CLDN14: variants seen among roughly 807,000 people sequenced by gnomAD.
CLDN14 encodes the protein claudin-14.
CLDN14 carries 2 observed loss-of-function variants against 2.1 expected under a neutral mutation model. The ratio of observed to expected loss-of-function variants is 0.96; its 90% CI spans 0.39 to 3.01. The LOEUF (loss-of-function observed/expected upper bound fraction) is 3.01. CLDN14 is among the 30% of genes most tolerant of loss of function. CLDN14 has a pLI of 0.09. For missense variants in CLDN14, 298 were observed against 328.0 expected, an observed-to-expected ratio of 0.91 and a Z score of 0.71; for synonymous variants, 136 against 154.4, an observed-to-expected ratio of 0.88 and a Z score of 0.88.
At chr21:36,508,953 G>T (rs1672467788) in intron 2 of CLDN14, among the ~76,000 whole-genome samples, 1 of 152,182 alleles carries the variant, frequency 6.6e-6, no homozygotes. Context: ...GGCAAAAAAT[G>T]AATTCTCTGG....
chr21:36,537,681 G>A (rs570018164), intron 1 of CLDN14, among the ~76,000 whole-genome samples: 12 of 134,962 alleles, frequency 8.9e-5, no homozygotes, highest in Middle Eastern at 6.0e-3. Context: ...ACGGAGTCTC[G>A]CTCTGTCACC....
At chr21:36,556,654 A>C (rs1047134774) in intron 1 of CLDN14, among the ~76,000 whole-genome samples, 1 of 152,220 alleles carries the variant, frequency 6.6e-6, no homozygotes, top group Non-Finnish European at 1.5e-5. Context: ...GCATCTTGGA[A>C]ATAAAAGGTA....
Position 36,498,098 on chromosome 21 carries a change from T to C in CLDN14, c.-82+12265A>G, listed in dbSNP as rs2087055679. Among the ~76,000 whole-genome samples, 2 of 152,070 alleles carry C rather than the reference T, an allele frequency of 1.3e-5. No individual in the cohort carries two copies. The highest frequency in any genetic ancestry group is 2.9e-5 in the Non-Finnish European group (2 of 68,004). Reference sequence around the variant, plus strand: ...CACTGCAACCTCCACCGCCCGGGGTTCAAGCGATTCTCCTGTCTCAGCCTC... The same window carrying C: ...CACTGCAACCTCCACCGCCCGGGGTCCAAGCGATTCTCCTGTCTCAGCCTC... On this transcript the variant is annotated intron_variant, in intron 2 of 2. Coordinates refer to the CLDN14 transcript ENST00000342108. The surrounding 1 kb of genome is among the most constrained non-coding windows in gnomAD (Gnocchi z 4.9).
At chr21:36,541,154 G>A (rs1408265918) in intron 1 of CLDN14, among the ~76,000 whole-genome samples, 1 of 152,148 alleles carries the variant, frequency 6.6e-6, no homozygotes, top group East Asian at 1.9e-4. Context: ...GGGCTGGTGG[G>A]GAGAACATGG....
intron 1 of CLDN14, among the ~76,000 whole-genome samples, chr21:36,570,988 C>T (rs1375597566): frequency 2.0e-5 from 3 of 152,062 alleles, no homozygotes; most frequent in Non-Finnish European, 2.9e-5. Flanking sequence ...ATTACAGGCA[C>T]TCGCCACCAC....
At chr21:36,517,763 T>TA (rs1382820213) in intron 1 of CLDN14, among the ~76,000 whole-genome samples, 1 of 152,186 alleles carries the variant, frequency 6.6e-6, no homozygotes, top group Non-Finnish European at 1.5e-5. Context: ...AGATATGTGG[T>TA]AAGCTGTTAT....
chr21:36,530,576 G>A (rs2087371852), intron 1 of CLDN14, among the ~76,000 whole-genome samples: 1 of 152,206 alleles, frequency 6.6e-6, no homozygotes, highest in Admixed American at 6.5e-5. Flanking sequence ...TCTAACAAAG[G>A]GCAGAGGCCA....
chr21:36,472,749 G>A (rs746528147), intron 1 of CLDN14, among the ~76,000 whole-genome samples: 14 of 152,154 alleles, frequency 9.2e-5, no homozygotes, highest in Non-Finnish European at 7.4e-5. Context: ...GGTTCCTGGT[G>A]GAAATTCACC....
At chr21:36,483,909 G>A (rs561427307), upstream of CLDN14, among the ~76,000 whole-genome samples, 11 of 152,234 alleles carry the variant, frequency 7.2e-5, no homozygotes, top group Admixed American at 3.9e-4. Flanking sequence ...CAAGAACTAG[G>A]CCAATTGCAA....
Position 36,499,603 on chromosome 21 carries a change from G to A in CLDN14, c.-82+10760C>T, listed in dbSNP as rs963143109. Among the ~76,000 whole-genome samples the A allele has an allele frequency of 6.6e-6, 1 of 152,148 alleles. No individual in the cohort carries two copies. Among genetic ancestry groups the A allele is most frequent in the African/African-American group, 2.4e-5 (1 of 41,442 alleles). Reference sequence around the variant, plus strand: ...CAGACCTACCGAATCAGAATTTCAGGAGGGGAGGTTAGGAATCTGTGGTTT... The same window carrying A: ...CAGACCTACCGAATCAGAATTTCAGAAGGGGAGGTTAGGAATCTGTGGTTT... On this transcript the variant is annotated intron_variant, in intron 2 of 2. Transcript: ENST00000342108. This position sits in a 1 kb window ranked among gnomAD's most constrained non-coding sequence, Gnocchi z 4.7.
At chr21:36,564,058 G>T (rs764325543) in intron 1 of CLDN14, among the ~76,000 whole-genome samples, 1 of 152,180 alleles carries the variant, frequency 6.6e-6, no homozygotes, top group African/African-American at 2.4e-5. Flanking sequence ...CTGCACCCTC[G>T]TTCTGTGGAG....
intron 1 of CLDN14, among the ~76,000 whole-genome samples, chr21:36,570,589 T>C (rs891199582): frequency 3.3e-5 from 5 of 150,124 alleles, no homozygotes; most frequent in African/African-American, 9.7e-5. Context: ...TGTAAATGAA[T>C]GTATTCTTAT....
intron 1 of CLDN14, among the ~76,000 whole-genome samples, chr21:36,555,806 AGTGTGTGTGTGTGT>A (rs142473999): frequency 0.012 from 1,698 of 143,392 alleles, 19 homozygotes; most frequent in Non-Finnish European, 0.017. Flanking sequence ...TCTATAGGTC[AGTGTGTGTGTGTGT>A]GTGTGTGTGT....
In CLDN14 at chr21:36,460,789, A is replaced by C; in HGVS notation, c.*187T>G. On this transcript the variant is annotated 3_prime_UTR_variant, in exon 2 of 2. Transcript: ENST00000399135. The surrounding 1 kb of genome is among the most constrained non-coding windows in gnomAD (Gnocchi z 4.0). ...TTTTTTTTCAGTCTTTGGTATAGAG[A>C]GCTTTCTCCTCCTCTTATTTCCCCC... The C allele has an allele frequency of 1.5e-6, 1 of 648,246 alleles. No homozygotes were observed. The allele number at this position is 648,246 out of a possible 1,614,324, so 40.2% of individuals were successfully genotyped here.
At chr21:36,488,656 G>A (rs977344691) in intron 2 of CLDN14, among the ~76,000 whole-genome samples, 1 of 151,912 alleles carries the variant, frequency 6.6e-6, no homozygotes, top group South Asian at 2.1e-4. Context: ...CTGAGGGCGG[G>A]GGGGTGGGGA....
rs2146442424 is a variant in CLDN14 at position 36,476,667 on chromosome 21, G to C, written c.-82+2828C>G. The stretch of plus-strand genomic sequence containing the variant: ...CAGGTTTCACCATGTTGGTCAGGCT[G>C]GTCTCGAACTCCTGACCTCATGATC... On this transcript the variant is annotated intron_variant, in intron 1 of 1. Transcript: ENST00000399135. Among the ~76,000 whole-genome samples the C allele has an allele frequency of 1.3e-5, 2 of 152,316 alleles. 1 individual carries two copies. The highest frequency in any genetic ancestry group is 4.1e-4 in the South Asian group (2 of 4,824).
intron 1 of CLDN14, among the ~76,000 whole-genome samples, chr21:36,475,004 A>T (rs765385616): frequency 6.6e-6 from 1 of 152,174 alleles, no homozygotes; most frequent in African/African-American, 2.4e-5. Flanking sequence ...GGGAGGCTTG[A>T]GCACAGAGGA....
intron 1 of CLDN14, chr21:36,542,544 C>G (rs1268177895): frequency 6.6e-6 from 1 of 152,368 alleles, no homozygotes; most frequent in Non-Finnish European, 1.5e-5. Context: ...TGAAAGAAAC[C>G]CCCCGGGGCT....
At chr21:36,561,270 T>A (rs2087633086) in intron 1 of CLDN14, among the ~76,000 whole-genome samples, 1 of 152,196 alleles carries the variant, frequency 6.6e-6, no homozygotes, top group Admixed American at 6.5e-5. Context: ...AGACCTGGTC[T>A]TGTTGCAGGT....
Sources: allele counts gnomAD v4.1 joint callset (sites outside exome capture counted in the v4.1 genomes callset), GRCh38; gene constraint gnomAD v4.1.1; non-coding constraint Gnocchi (gnomAD v3.1); transcripts MANE v1.5; gene names NCBI Gene and HGNC (gene_info 2026-07-23, HGNC 2026-07-21).